Variants in ADAM21 observed in about 807,000 individuals in gnomAD.
The protein encoded by ADAM21 is disintegrin and metalloproteinase domain-containing protein 21.
For missense variants in ADAM21, 678 were observed against 874.4 expected, an observed-to-expected ratio of 0.78 and a Z score of 2.83; for synonymous variants, 262 against 306.0, an observed-to-expected ratio of 0.86 and a Z score of 1.50.
rs1882477175 is a variant in ADAM21 at position 70,459,103 on chromosome 14, C to T, written c.1604C>T (p.Ser535Phe). 3 of 1,610,854 alleles carry T rather than the reference C, an allele frequency of 1.9e-6. No individual in the cohort carries two copies. The highest frequency in any genetic ancestry group is 2.7e-5 in the African/African-American group (2 of 74,586). The change falls in exon 2 of 2, where the codon TCT (serine) becomes TTT (phenylalanine). Residue 535 changes from serine (S) to phenylalanine (F), a missense_variant. By Grantham distance (155) the Ser-to-Phe change is radical (BLOSUM62 -2). Coordinates refer to ENST00000603540, the MANE Select transcript of ADAM21 (RefSeq NM_003813.4). ...ASQNCYKEIN[S>F]QGNRFGHCGI... ...CAGAATTGCTATAAAGAAATCAATTCTCAGGGAAACCGTTTTGGTCACTGT... is the reference window on the plus strand; with the variant it reads ...CAGAATTGCTATAAAGAAATCAATTTTCAGGGAAACCGTTTTGGTCACTGT...
rs1889046400 is a variant in ADAM21, at chr14:70,452,207, G to A, written c.-208G>A. The A allele has an allele frequency of 6.6e-6, 1 of 152,194 alleles. No individual in the cohort carries two copies. The highest frequency in any genetic ancestry group is 6.5e-5 in the Admixed American group (1 of 15,280). 9.4% of individuals were successfully genotyped at this position (152,194 alleles called of 1,614,324 possible). A position where few individuals can be genotyped will look rare whatever the true frequency, so the allele number is the denominator to read the frequency against. On this transcript the variant is annotated 5_prime_UTR_variant, in exon 1 of 2. Coordinates refer to ENST00000603540, the MANE Select transcript of ADAM21 (RefSeq NM_003813.4). ...GCCTCAGCTACAAACCATTGATAAA[G>A]CATGGTATAAACCATCTAGACAGAA... is the stretch of plus-strand genomic sequence containing the variant.
chr14:70,456,708 T>C (rs1882415637), intron 1 of ADAM21, among the ~76,000 whole-genome samples: 1 of 152,212 alleles, frequency 6.6e-6, no homozygotes, highest in Non-Finnish European at 1.5e-5. Context: ...AGCATTCACT[T>C]ATAATCCAAG....
rs1882427754 is a variant in ADAM21, at chr14:70,457,325, C to T, written c.-151-24C>T. On this transcript the variant is annotated intron_variant, in intron 1 of 1. Coordinates refer to ENST00000603540, the MANE Select transcript of ADAM21 (RefSeq NM_003813.4). ...ATTCCTTACTTATCACCTTTCCAAC[C>T]CATCTTTTTATTTTTACTTCCAGCA... 4.4e-6 allele frequency: 4 copies of T among 915,514 alleles called. No individual in the cohort carries two copies. The South Asian group carries it at 7.3e-5, about 17-fold the overall frequency. The allele number at this position is 915,514 out of a possible 1,614,324, so 56.7% of individuals were successfully genotyped here. A position where few individuals can be genotyped will look rare whatever the true frequency, so the allele number is the denominator to read the frequency against.
Position 70,458,565 on chromosome 14 carries a change from T to C in ADAM21, c.1066T>C (p.Cys356Arg). 3 of 1,612,016 alleles carry C rather than the reference T, an allele frequency of 1.9e-6. No individual in the cohort carries two copies. The highest frequency in any genetic ancestry group is 2.5e-6 in the Non-Finnish European group (3 of 1,178,964). Residue 356 changes from cysteine to arginine, a missense_variant, in exon 2 of 2, where the codon TGT becomes CGT. Cys to Arg is a radical substitution (Grantham distance 180). Coordinates refer to ENST00000603540, the MANE Select transcript of ADAM21 (RefSeq NM_003813.4). Reference protein sequence around the residue: ...TLGMQHDEEFCFCGERGCIMN... With the variant: ...TLGMQHDEEFRFCGERGCIMN... ...AGGTATGCAGCATGATGAAGAATTC[T>C]GTTTTTGTGGGGAAAGAGGTTGCAT...
rs543291516 is a variant in ADAM21, at chr14:70,458,918, T to A, written c.1419T>A (p.Leu473=). The change falls in exon 2 of 2, where the codon CTT becomes CTA. Residue 473 remains leucine (L), a synonymous_variant. Transcript: ENST00000603540. ...LCRQEVNECD[L]PEWCNGTSHQ... is the part of the protein sequence containing the mutation. ...GACAAGAGGTCAATGAATGTGACCTTCCAGAATGGTGCAATGGAACATCTC... is the reference window on the plus strand; with the variant it reads ...GACAAGAGGTCAATGAATGTGACCTACCAGAATGGTGCAATGGAACATCTC... The A allele has an allele frequency of 6.2e-7, 1 of 1,614,150 alleles. No individual in the cohort carries two copies. Among genetic ancestry groups the A allele is most frequent in the African/African-American group, 1.3e-5 (1 of 75,026 alleles).
chr14:70,458,378 T>A lies in ADAM21; in HGVS notation c.879T>A (p.Asp293Glu). The A allele has an allele frequency of 1.2e-6, 2 of 1,614,234 alleles. No homozygotes were observed. Among genetic ancestry groups the A allele is most frequent in the Non-Finnish European group, 8.5e-7 (1 of 1,180,032 alleles). ...KQISLSQLQH[D>E]AAHMFIKNSL... ...TCAGTCTTTCCCAGCTACAGCATGATGCTGCACATATGTTCATAAAAAATT... is the reference window on the plus strand; with the variant it reads ...TCAGTCTTTCCCAGCTACAGCATGAAGCTGCACATATGTTCATAAAAAATT... The change falls in exon 2 of 2, where the codon GAT (aspartate) becomes GAA (glutamate). Residue 293 changes from aspartate (D) to glutamate (E), a missense_variant. Transcript: ENST00000603540.
rs3751524 is a variant in ADAM21, at chr14:70,457,790, A to C, written c.291A>C (p.Ala97=). The C allele has an allele frequency of 0.35, 561,996 of 1,588,220 alleles. 65,786 individuals are homozygous for C. The highest frequency in any genetic ancestry group is 0.42 in the Admixed American group (25,057 of 59,416). ...LPVFTYTDDR[A]LLEDQLFIPD... Reference sequence around the variant, plus strand: ...TGTTCACCTACACAGATGACCGTGCACTCCTGGAGGATCAGCTCTTCATCC... The same window carrying C: ...TGTTCACCTACACAGATGACCGTGCCCTCCTGGAGGATCAGCTCTTCATCC... The change falls in exon 2 of 2, where the codon GCA becomes GCC. Residue 97 remains alanine (A), a synonymous_variant. Transcript: ENST00000603540.
At chr14:70,453,919 C>A (rs1889072228) in intron 1 of ADAM21, among the ~76,000 whole-genome samples, 1 of 152,164 alleles carries the variant, frequency 6.6e-6, no homozygotes, top group Non-Finnish European at 1.5e-5. Flanking sequence ...AAGTTAATGG[C>A]AAGGATAATG....
chr14:70,459,681 A>T lies in ADAM21; in HGVS notation c.*13A>T. On this transcript the variant is annotated 3_prime_UTR_variant, in exon 2 of 2. Coordinates refer to ENST00000603540, the MANE Select transcript of ADAM21 (RefSeq NM_003813.4). The stretch of plus-strand genomic sequence containing the variant: ...TTCATCAGGTTAAGAAAATGTCTCT[A>T]ACTTAATATTCCATGCATTAGTACA... The T allele has an allele frequency of 6.2e-7, 1 of 1,611,978 alleles. No homozygotes were observed. The highest frequency in any genetic ancestry group is 1.1e-5 in the South Asian group (1 of 90,908).
In ADAM21 at chr14:70,459,397, T is replaced by C. The variant is rs1181230509; in HGVS notation, c.1898T>C (p.Val633Ala). 5.0e-6 allele frequency: 8 copies of C among 1,614,122 alleles called. No individual in the cohort carries two copies. The Admixed American group carries it at 1.3e-4, about 27-fold the overall frequency. The change falls in exon 2 of 2, where the codon GTC becomes GCC. Residue 633 changes from valine (V) to alanine (A), a missense_variant. Transcript: ENST00000603540. Reference protein sequence around the residue: ...KCVSLSVLSHVCLPETCNMKG... With the variant: ...KCVSLSVLSHACLPETCNMKG... ...GTCAGTCTGTCTGTCTTGTCACATGTCTGCCTTCCTGAGACCTGCAATATG... is the reference window on the plus strand; with the variant it reads ...GTCAGTCTGTCTGTCTTGTCACATGCCTGCCTTCCTGAGACCTGCAATATG...
rs142552213 is a variant in ADAM21, at chr14:70,456,096, TGACA to T, written c.-151-1251_-151-1248del. On this transcript the variant is annotated intron_variant, in intron 1 of 1. Coordinates refer to ENST00000603540, the MANE Select transcript of ADAM21 (RefSeq NM_003813.4). ...GCTCAGTGCTTACTAGCCTCACTTT[TGACA>T]GTCATTTGAGACTATGATGAAATAT... Among the ~76,000 whole-genome samples the T allele has an allele frequency of 3.4e-3, 524 of 152,246 alleles. 5 individuals carry two copies. Among genetic ancestry groups the T allele is most frequent in the African/African-American group, 0.012 (497 of 41,556 alleles).
At position 70,459,763 on chromosome 14, in the gene ADAM21, G is replaced by T. The variant is rs867035679; in HGVS notation, c.*95G>T. 8 of 1,436,534 alleles carry T rather than the reference G, an allele frequency of 5.6e-6. No individual in the cohort carries two copies. Among genetic ancestry groups the T allele is most frequent in the African/African-American group, 1.4e-5 (1 of 70,188 alleles). The allele number at this position is 1,436,534 out of a possible 1,614,324, so 89.0% of individuals were successfully genotyped here. A position where few individuals can be genotyped will look rare whatever the true frequency, so the allele number is the denominator to read the frequency against. ...CATCCCTGAAACTGAGCACATTTCT[G>T]ACCATTTCCAGAAAGCTGCAAAGAT... On this transcript the variant is annotated 3_prime_UTR_variant, in exon 2 of 2. Transcript: ENST00000603540.
chr14:70,459,615 T>C lies in ADAM21; in HGVS notation c.2116T>C (p.Tyr706His), dbSNP rs780950626. The change falls in exon 2 of 2, where the codon TAT (tyrosine) becomes CAT (histidine). Residue 706 changes from tyrosine to histidine, a missense_variant. Coordinates refer to ENST00000603540, the MANE Select transcript of ADAM21 (RefSeq NM_003813.4). ...CCTGTTTACTGTCGGGCTTCTTATG[T>C]ATCTACGACAATGTTCTGGTCCCAA... is the stretch of plus-strand genomic sequence containing the variant. ...TFLFTVGLLM[Y>H]LRQCSGPKET... is the part of the protein sequence containing the mutation. 8.1e-6 allele frequency: 13 copies of C among 1,614,214 alleles called. No homozygotes were observed. The Admixed American group carries it at 2.0e-4, about 25-fold the overall frequency.
rs763648530 is a variant in ADAM21, at chr14:70,458,291, A to G, written c.792A>G (p.Gly264=). Residue 264 remains glycine, a synonymous_variant, in exon 2 of 2, where the codon GGA becomes GGG. Coordinates refer to ENST00000603540, the MANE Select transcript of ADAM21 (RefSeq NM_003813.4). ...TTGGAATTGAAATTTGGAATCAAGG[A>G]AATGTTTTCCCAATGACAAGCATAG... is the stretch of plus-strand genomic sequence containing the variant. ...ILIGIEIWNQ[G]NVFPMTSIEQ... 2 of 1,614,082 alleles carry G rather than the reference A, an allele frequency of 1.2e-6. No homozygotes were observed. The highest frequency in any genetic ancestry group is 1.7e-5 in the Admixed American group (1 of 60,032).
At chr14:70,452,665 G>A (rs561611833) in intron 1 of ADAM21, among the ~76,000 whole-genome samples, 5 of 152,260 alleles carry the variant, frequency 3.3e-5, no homozygotes, top group South Asian at 2.1e-4. Context: ...CGCGCCCGGC[G>A]TGTTTTCATT....
chr14:70,458,489 T>C lies in ADAM21; in HGVS notation c.990T>C (p.Asp330=), dbSNP rs1882462414. ...IDCGVDNFQG[D]TWSLFANTVA... is the part of the protein sequence containing the mutation. Reference sequence around the variant, plus strand: ...GTGGAGTTGATAATTTTCAAGGAGATACCTGGTCTCTTTTTGCCAACACTG... The same window carrying C: ...GTGGAGTTGATAATTTTCAAGGAGACACCTGGTCTCTTTTTGCCAACACTG... Residue 330 remains aspartate, a synonymous_variant, in exon 2 of 2, where the codon GAT becomes GAC. Coordinates refer to ENST00000603540, the MANE Select transcript of ADAM21 (RefSeq NM_003813.4). The C allele has an allele frequency of 6.2e-6, 10 of 1,613,854 alleles. No individual in the cohort carries two copies. Among genetic ancestry groups the C allele is most frequent in the Non-Finnish European group, 7.6e-6 (9 of 1,179,972 alleles).
At position 70,459,603 on chromosome 14, in the gene ADAM21, G is replaced by A. The variant is rs576463088; in HGVS notation, c.2104G>A (p.Gly702Arg). 4.4e-5 allele frequency: 71 copies of A among 1,614,106 alleles called. No individual in the cohort carries two copies. The highest frequency in any genetic ancestry group is 2.4e-4 in the South Asian group (22 of 91,078). The change falls in exon 2 of 2, where the codon GGG (glycine) becomes AGG (arginine). Residue 702 changes from glycine (G) to arginine (R), a missense_variant. Physicochemically the swap from Gly to Arg is moderately radical, Grantham distance 125. Transcript: ENST00000603540. ...LSVLTFLFTVGLLMYLRQCSG... is the reference protein window; with the variant it reads ...LSVLTFLFTVRLLMYLRQCSG... ...TGTTTTGACTTTCCTGTTTACTGTC[G>A]GGCTTCTTATGTATCTACGACAATG...
intron 1 of ADAM21, among the ~76,000 whole-genome samples, chr14:70,454,835 C>CCAGA (rs1305784969): frequency 6.6e-6 from 1 of 152,090 alleles, no homozygotes; most frequent in Non-Finnish European, 1.5e-5. Context: ...CAGTCAGAGG[C>CCAGA]CAGAGCCTTT....
chr14:70,455,219 A>C (rs1408639245), intron 1 of ADAM21, among the ~76,000 whole-genome samples: 5 of 152,206 alleles, frequency 3.3e-5, no homozygotes, highest in Non-Finnish European at 5.9e-5. Context: ...ATTGATTAGA[A>C]ATGGATTCAA....
Sources: gnomAD v4.1 joint callset for allele counts (sites outside exome capture counted in the v4.1 genomes callset) on GRCh38, gnomAD v4.1.1 for gene constraint, MANE v1.5 for transcripts, NCBI Gene and HGNC (gene_info 2026-07-23, HGNC 2026-07-21) for gene names.